The following PCNX1 variants were observed in gnomAD, a reference collection of about 807,000 sequenced individuals.
PCNX1 encodes the protein pecanex 1, also known as pecanex-like protein 1.
In PCNX1, 78 loss-of-function variants were observed where a neutral mutation model predicts 242.2. That is an observed-to-expected ratio of 0.32 (90% confidence interval 0.27 to 0.39). The LOEUF is 0.39. Ranked by LOEUF, PCNX1 falls within the 10% of genes least tolerant of loss-of-function variation. The probability of loss-of-function intolerance (pLI) is 1.00; values close to 1 mark genes in which losing one functional copy is unlikely to be tolerated. For missense variants in PCNX1, 2,581 were observed against 2,856.5 expected (o/e 0.90, Z 2.20); for synonymous variants, 1,024 against 1,032.9 (o/e 0.99, Z 0.17).
chr14:71,009,810 A>T (rs1372153646), intron 9 of PCNX1, 86 bp downstream of exon 9: 10 of 695,094 alleles, frequency 1.4e-5, no homozygotes, highest in Middle Eastern at 2.9e-4. Context: ...ATAAAAGTTA[A>T]TTTTTTTGTT....
chr14:70,936,894 A>AT (rs989561195), intron 1 of PCNX1, among the ~76,000 whole-genome samples: 2 of 152,134 alleles, frequency 1.3e-5, no homozygotes, highest in Non-Finnish European at 2.9e-5. Context: ...GATGAAGAGC[A>AT]TTTTTTTATG....
Position 70,988,676 on chromosome 14 carries a change from A to G in PCNX1, c.2421A>G (p.Thr807=), listed in dbSNP as rs368433140. ...CAGGGAGTAACCCTACCCCTCCTAC[A>G]TTGCTCATCGGATCACCCCTAAGGT... ...HNAGSNPTPP[T]LLIGSPLSLQ... Residue 807 remains threonine (T), a synonymous_variant, in exon 7 of 36, where the codon ACA becomes ACG. Coordinates refer to ENST00000304743, the MANE Select transcript of PCNX1 (RefSeq NM_014982.3). 5.0e-5 allele frequency: 80 copies of G among 1,613,876 alleles called. 1 individual carries two copies. The South Asian group carries it at 5.7e-4, about 12-fold the overall frequency.
At chr14:71,051,703 A>T (rs1397810739) in intron 23 of PCNX1, among the ~76,000 whole-genome samples, 180 bp from the exon 24 acceptor site, 2 of 152,194 alleles carry the variant, frequency 1.3e-5, no homozygotes, top group African/African-American at 4.8e-5. Context: ...TACTTTATGT[A>T]TGTCTTTCTG....
At position 70,977,586 on chromosome 14, in the gene PCNX1, C is replaced by G. The variant is rs1343179730; in HGVS notation, c.1249C>G (p.His417Asp). 1.2e-6 allele frequency: 2 copies of G among 1,614,120 alleles called. No individual in the cohort carries two copies. Among genetic ancestry groups the G allele is most frequent in the Non-Finnish European group, 1.7e-6 (2 of 1,180,026 alleles). The change falls in exon 6 of 36, where the codon CAT becomes GAT. Residue 417 changes from histidine (H) to aspartate (D), a missense_variant. Transcript: ENST00000304743. ...STHIESILSE[H>D]EESPKAGTKS... ...TCACATAGAGAGCATCCTGTCAGAG[C>G]ATGAGGAGTCTCCTAAAGCAGGAAC...
In PCNX1 at chr14:71,102,001, T is replaced by C; in HGVS notation, c.5601T>C (p.Thr1867=). The C allele has an allele frequency of 6.4e-7, 1 of 1,565,710 alleles. No individual in the cohort carries two copies. Among genetic ancestry groups the C allele is most frequent in the Non-Finnish European group, 8.7e-7 (1 of 1,151,004 alleles). ...ATTTTTGTATTTAGGATCATTTTAC[T>C]TCTCCAGATGAATATGATGACCCTA... ...MSIKLHQDHF[T]SPDEYDDPTV... The change falls in exon 31 of 36, where the codon ACT becomes ACC. Residue 1867 remains threonine, a synonymous_variant. Coordinates refer to ENST00000304743, the MANE Select transcript of PCNX1 (RefSeq NM_014982.3).
At chr14:70,974,244 G>GTTTTTTTTTTTTT (rs1202073692) in intron 5 of PCNX1, among the ~76,000 whole-genome samples, 4 of 117,242 alleles carry the variant, frequency 3.4e-5, no homozygotes, top group Non-Finnish European at 3.7e-5. Context: ...TTTTTTTGTT[G>GTTTTTTTTTTTTT]TTTTTTTTTT....
chr14:71,035,510 C>A (rs921993227), intron 18 of PCNX1, among the ~76,000 whole-genome samples: 16 of 152,024 alleles, frequency 1.1e-4, no homozygotes, highest in Non-Finnish European at 2.2e-4. Context: ...GTAATCCCAG[C>A]ACTTTGGGAG....
At chr14:70,910,215 C>CCTCCTCCTCCTTCTCCTCCTCCTCCTT (rs2055829420) in intron 1 of PCNX1, among the ~76,000 whole-genome samples, 1 of 67,160 alleles carries the variant, frequency 1.5e-5, no homozygotes, top group African/African-American at 6.0e-5. Flanking sequence ...TCGTCCTCCT[C>CCTCCTCCTCCTTCTCCTCCTCCTCCTT]CTCCTCCTCC....
At chr14:71,035,324 GA>G (rs1315411657) in intron 18 of PCNX1, among the ~76,000 whole-genome samples, 1 of 152,148 alleles carries the variant, frequency 6.6e-6, no homozygotes, top group African/African-American at 2.4e-5. Flanking sequence ...CATTCTAAAA[GA>G]CTTTATTGCA....
At chr14:70,949,439 G>GTACA (rs2057687261) in intron 2 of PCNX1, among the ~76,000 whole-genome samples, 1 of 150,676 alleles carries the variant, frequency 6.6e-6, no homozygotes, top group Non-Finnish European at 1.5e-5. Context: ...GTATATATGT[G>GTACA]TATATATGTA....
At chr14:70,959,285 T>C (rs1406751729) in intron 2 of PCNX1, among the ~76,000 whole-genome samples, 7 of 151,234 alleles carry the variant, frequency 4.6e-5, no homozygotes, top group East Asian at 1.9e-4. Context: ...ATGTGCAGTT[T>C]AGTTACATAT....
At chr14:71,092,909 A>G (rs2062174134) in intron 30 of PCNX1, 2 of 152,198 alleles carry the variant, frequency 1.3e-5, no homozygotes, top group African/African-American at 4.8e-5. Context: ...GTCAGGAAGT[A>G]CCTTGCCAGT....
intron 28 of PCNX1, among the ~76,000 whole-genome samples, chr14:71,083,020 T>G (rs926790033): frequency 3.9e-5 from 6 of 152,206 alleles, no homozygotes; most frequent in Non-Finnish European, 5.9e-5. Context: ...AGTGCTTCCT[T>G]CAGGAGCTCT....
rs1203980934 is a variant in PCNX1 at position 71,050,732 on chromosome 14, T to C, written c.4419T>C (p.His1473=). Residue 1473 remains histidine, a synonymous_variant, in exon 23 of 36, where the codon CAT becomes CAC. Transcript: ENST00000304743. ...AGATCACATGGGGTTCTGCTTTCCA[T>C]GCTTTTGCTCAGCCTTTTGCAGTGC... The part of the protein sequence containing the change: ...PWQITWGSAF[H]AFAQPFAVPH... 6.2e-7 allele frequency: 1 copy of C among 1,613,864 alleles called. No homozygotes were observed. Among genetic ancestry groups the C allele is most frequent in the Non-Finnish European group, 8.5e-7 (1 of 1,179,864 alleles).
intron 15 of PCNX1, among the ~76,000 whole-genome samples, chr14:71,027,531 A>G (rs1595294465): frequency 1.3e-5 from 2 of 152,056 alleles, no homozygotes; most frequent in Admixed American, 6.5e-5. Context: ...TAACCATTTA[A>G]AATTTTACTG....
rs536769198 is a variant in PCNX1 at position 70,989,470 on chromosome 14, A to T, written c.2444+771A>T. Among the ~76,000 whole-genome samples, 26 of 152,058 alleles carry T rather than the reference A, an allele frequency of 1.7e-4. No homozygotes were observed. In the South Asian group the frequency reaches 5.4e-3, roughly 32 times the overall value. On this transcript the variant is annotated intron_variant, in intron 7 of 35. Transcript: ENST00000304743. ...GCTGAATCTATGCCCTGAATTAGAA[A>T]TATAAAAATCTATCCAAAAGACTTG...
rs994993950 is a variant in PCNX1 at position 71,097,544 on chromosome 14, G to A, written c.5590-4446G>A. Among the ~76,000 whole-genome samples, 8 of 152,090 alleles carry A rather than the reference G, an allele frequency of 5.3e-5. No individual in the cohort carries two copies. The South Asian group carries it at 6.2e-4, about 12-fold the overall frequency. ...CTGATTTGGATTTCTTTGATGATTC[G>A]TGTTGTTGAGCATTTTTTCACACTT... is the stretch of plus-strand genomic sequence containing the variant. On this transcript the variant is annotated intron_variant, in intron 30 of 35. Coordinates refer to ENST00000304743, the MANE Select transcript of PCNX1 (RefSeq NM_014982.3).
chr14:71,031,765 T>C (rs1221470770), intron 16 of PCNX1: 1 of 1,361,228 alleles, frequency 7.3e-7, no homozygotes, highest in Non-Finnish European at 1.0e-6. Context: ...TTTGGGAAAC[T>C]TCTCAGCCTC....
At chr14:70,955,861 T>G (rs1486968518) in intron 2 of PCNX1, among the ~76,000 whole-genome samples, 2 of 144,804 alleles carry the variant, frequency 1.4e-5, no homozygotes, top group South Asian at 2.1e-4. Flanking sequence ...TACTAGAGGG[T>G]TTTTTTTTTT....
Sources: allele counts gnomAD v4.1 joint callset (sites outside exome capture counted in the v4.1 genomes callset), GRCh38; gene constraint gnomAD v4.1.1; transcripts MANE v1.5; gene names NCBI Gene and HGNC (gene_info 2026-07-23, HGNC 2026-07-21).